The following CASR variants were observed in gnomAD, a reference collection of about 807,000 sequenced individuals.
CASR encodes extracellular calcium-sensing receptor.
CASR carries 23 observed loss-of-function variants against 69.1 expected under a neutral mutation model. The observed-to-expected ratio is 0.33, with a 90% confidence interval of 0.24 to 0.47. The LOEUF (loss-of-function observed/expected upper bound fraction) is 0.47, where lower values mean the gene tolerates loss of function less well. Ranked by LOEUF, CASR falls within the 20% of genes least tolerant of loss-of-function variation. CASR has a pLI of 1.00. For missense variants in CASR, 924 were observed against 1,356.1 expected, an observed-to-expected ratio of 0.68 and a Z score of 5.00; for synonymous variants, 541 against 544.7, an observed-to-expected ratio of 0.99 and a Z score of 0.10.
At chr3:122,205,137 CA>C (rs1192178374) in intron 1 of CASR, among the ~76,000 whole-genome samples, 2 of 151,860 alleles carry the variant, frequency 1.3e-5, no homozygotes, top group East Asian at 3.8e-4. Flanking sequence ...AAGTCTTACC[CA>C]AAAAAATCCT....
intron 4 of CASR, among the ~76,000 whole-genome samples, chr3:122,274,744 C>CA (rs1035752408): frequency 4.0e-5 from 6 of 151,244 alleles, no homozygotes; most frequent in Non-Finnish European, 7.4e-5. Context: ...TCTACAAAAC[C>CA]AAAAAAAAAT....
chr3:122,272,658 A>AT (rs1396816405), intron 4 of CASR, among the ~76,000 whole-genome samples: 1 of 152,196 alleles, frequency 6.6e-6, no homozygotes, highest in Non-Finnish European at 1.5e-5. Flanking sequence ...TATGTCGTGC[A>AT]TTTTATCCCC....
At chr3:122,282,036 A>G (rs758253880) in intron 5 of CASR, 77 bp from the exon 6 acceptor site, 9 of 1,605,478 alleles carry the variant, frequency 5.6e-6, no homozygotes, top group South Asian at 1.1e-5. Flanking sequence ...TCCCTCTTAC[A>G]TGTTTTGAAG....
intron 1 of CASR, among the ~76,000 whole-genome samples, chr3:122,215,814 A>G (rs967843476): frequency 6.6e-6 from 1 of 152,240 alleles, no homozygotes; most frequent in South Asian, 2.1e-4. Context: ...AGAAATTGCC[A>G]TGAGAGGCAC....
At position 122,263,780 on chromosome 3, in the gene CASR, C is replaced by T. The variant is rs113654624; in HGVS notation, c.1377+1368C>T. On this transcript the variant is annotated intron_variant, in intron 4 of 6. Coordinates refer to ENST00000639785, the MANE Select transcript of CASR (RefSeq NM_000388.4). ...GGTACTCAGAGCTTCTTTCTTCACACGGAACCCCTACCTTGCCAAGATAGA... is the reference window on the plus strand; with the variant it reads ...GGTACTCAGAGCTTCTTTCTTCACATGGAACCCCTACCTTGCCAAGATAGA... 3.5e-3 allele frequency among the ~76,000 whole-genome samples: 537 copies of T among 152,242 alleles called. 3 individuals are homozygous for T. Among genetic ancestry groups the T allele is most frequent in the Non-Finnish European group, 6.0e-3 (407 of 68,010 alleles).
At chr3:122,235,240 C>T (rs779326080) in intron 1 of CASR, among the ~76,000 whole-genome samples, 1 of 152,140 alleles carries the variant, frequency 6.6e-6, no homozygotes, top group Non-Finnish European at 1.5e-5. Context: ...GTAGAGCACC[C>T]AAGACTCTGC....
intron 1 of CASR, among the ~76,000 whole-genome samples, chr3:122,211,786 A>G (rs150082091): frequency 3.0e-5 from 3 of 101,312 alleles, no homozygotes; most frequent in African/African-American, 1.1e-4. Flanking sequence ...GAAAACATTT[A>G]TGCGGCCAAT....
At chr3:122,230,207 C>G (rs997282058) in intron 1 of CASR, among the ~76,000 whole-genome samples, 1 of 152,250 alleles carries the variant, frequency 6.6e-6, no homozygotes, top group Non-Finnish European at 1.5e-5. Flanking sequence ...TCAGCCTAGG[C>G]TTGCCGGCAG....
At chr3:122,195,399 C>T (rs966425996) in intron 1 of CASR, among the ~76,000 whole-genome samples, 19 of 152,298 alleles carry the variant, frequency 1.2e-4, no homozygotes, top group South Asian at 1.0e-3. Context: ...CTTGTTCAAA[C>T]GGGTTTTTTC....
chr3:122,248,163 AAAC>A (rs2074446268), intron 1 of CASR, among the ~76,000 whole-genome samples: 2 of 152,306 alleles, frequency 1.3e-5, no homozygotes, highest in South Asian at 2.1e-4. Flanking sequence ...CCTCATTTTA[AAAC>A]AACATGTGCC....
At chr3:122,252,463 G>GAAAGAAAGAAAGAAAAAAAAGAA (rs1299288306) in intron 1 of CASR, among the ~76,000 whole-genome samples, 4 of 88,516 alleles carry the variant, frequency 4.5e-5, no homozygotes, top group Non-Finnish European at 9.0e-5. Context: ...AGAAAAGAAA[G>GAAAGAAAGAAAGAAAAAAAAGAA]AAAAGAAAAG....
At chr3:122,205,048 T>C (rs2073993201) in intron 1 of CASR, among the ~76,000 whole-genome samples, 2 of 152,184 alleles carry the variant, frequency 1.3e-5, no homozygotes, top group Non-Finnish European at 2.9e-5. Flanking sequence ...TTGTTGATTG[T>C]TTCTTTTGCT....
intron 1 of CASR, among the ~76,000 whole-genome samples, chr3:122,221,111 G>A (rs182410004): frequency 1.2e-4 from 18 of 152,274 alleles, no homozygotes; most frequent in Non-Finnish European, 1.9e-4. Flanking sequence ...AATAAGCCAG[G>A]AGCCAGTGAT....
At chr3:122,224,965 C>T (rs1039150079) in intron 1 of CASR, among the ~76,000 whole-genome samples, 4 of 152,084 alleles carry the variant, frequency 2.6e-5, no homozygotes, top group African/African-American at 9.7e-5. Flanking sequence ...ATGATCATCT[C>T]AGAATCATTT....
chr3:122,186,767 A>ACTCC (rs1382075082), intron 1 of CASR, among the ~76,000 whole-genome samples: 1 of 152,216 alleles, frequency 6.6e-6, no homozygotes, highest in Non-Finnish European at 1.5e-5. Flanking sequence ...TCAAAGATGG[A>ACTCC]GAGGAAGGTT....
chr3:122,273,557 T>G (rs192354286), intron 4 of CASR, among the ~76,000 whole-genome samples: 72 of 152,258 alleles, frequency 4.7e-4, no homozygotes, highest in African/African-American at 1.6e-3. Context: ...GGAAACTCTA[T>G]GATTAGGATG....
chr3:122,228,863 C>T (rs2074253381), intron 1 of CASR, among the ~76,000 whole-genome samples: 1 of 152,190 alleles, frequency 6.6e-6, no homozygotes, highest in Non-Finnish European at 1.5e-5. Flanking sequence ...ACCATCCTCT[C>T]CTCCACACCA....
Position 122,284,758 on chromosome 3 carries a change from C to T in CASR, c.2804C>T (p.Pro935Leu), listed in dbSNP as rs201950717. The change falls in exon 7 of 7, where the codon CCG becomes CTG. Residue 935 changes from proline (P) to leucine (L), a missense_variant. Physicochemically the swap from Pro to Leu is moderately conservative, Grantham distance 98. Around this residue, in one of 8 missense-constraint regions of CASR, gnomAD observed 201 missense variants for 228.8 expected, o/e 0.88. Transcript: ENST00000639785. ...PQPERQKQQQ[P>L]LALTQQEQQQ... is the part of the protein sequence containing the mutation. ...CCCGAGAGGCAGAAGCAGCAGCAGC[C>T]GCTGGCCCTAACCCAGCAAGAGCAG... 1.9e-6 allele frequency: 3 copies of T among 1,614,148 alleles called. No individual in the cohort carries two copies. The highest frequency in any genetic ancestry group is 2.5e-6 in the Non-Finnish European group (3 of 1,180,014).
chr3:122,243,500 T>C (rs866947428), intron 1 of CASR, among the ~76,000 whole-genome samples: 1 of 152,084 alleles, frequency 6.6e-6, no homozygotes, highest in Non-Finnish European at 1.5e-5. Context: ...TTAAAATGGC[T>C]TTTATCCAAA....
Sources: allele counts gnomAD v4.1 joint callset (sites outside exome capture counted in the v4.1 genomes callset), GRCh38; gene constraint gnomAD v4.1.1; regional missense constraint gnomAD v4.1.1; transcripts MANE v1.5; gene names NCBI Gene and HGNC (gene_info 2026-07-23, HGNC 2026-07-21).